Variants in FBN2 observed in about 807,000 individuals in gnomAD.
The protein encoded by FBN2 is fibrillin-2.
A neutral mutation model predicts 355.6 loss-of-function variants in FBN2; 105 were observed. The ratio of observed to expected loss-of-function variants is 0.30; its 90% CI spans 0.25 to 0.35. The LOEUF (loss-of-function observed/expected upper bound fraction) is 0.35, where lower values mean the gene tolerates loss of function less well. Among genes scored for constraint, FBN2 ranks in the 10% least tolerant of loss-of-function variants. FBN2 has a pLI of 1.00. For missense variants in FBN2, 3,280 were observed against 3,758.7 expected, an observed-to-expected ratio of 0.87 and a Z score of 3.33; for synonymous variants, 1,350 against 1,301.2, an observed-to-expected ratio of 1.04 and a Z score of -0.81.
intron 34 of FBN2, among the ~76,000 whole-genome samples, chr5:128,322,246 C>A (rs1352942737): frequency 6.6e-6 from 1 of 152,144 alleles, no homozygotes; most frequent in Non-Finnish European, 1.5e-5. Context: ...CCTGTTCACT[C>A]TGATGATAGT....
intron 31 of FBN2, 87 bp from the exon 32 acceptor site, chr5:128,333,121 T>A: frequency 8.3e-7 from 1 of 1,210,894 alleles, no homozygotes; most frequent in Non-Finnish European, 1.2e-6. Flanking sequence ...GGTAACATTT[T>A]AAAGTAAAGA....
intron 64 of FBN2, among the ~76,000 whole-genome samples, chr5:128,260,876 G>A (rs1367908662): frequency 6.6e-6 from 1 of 152,162 alleles, no homozygotes; most frequent in Non-Finnish European, 1.5e-5. Flanking sequence ...CATATTAACT[G>A]CAGAGAGTGG....
chr5:128,504,516 G>A (rs1403307806), intron 5 of FBN2, among the ~76,000 whole-genome samples: 2 of 152,186 alleles, frequency 1.3e-5, no homozygotes, highest in Admixed American at 1.3e-4. Flanking sequence ...CTGGATGTGA[G>A]ACATGGAGTC....
chr5:128,277,736 C>T (rs912212226), intron 58 of FBN2, 144 bp downstream of exon 58: 2 of 941,250 alleles, frequency 2.1e-6, no homozygotes, highest in African/African-American at 3.3e-5. Flanking sequence ...TTAAGAAGCA[C>T]ATTATTGAGA....
At chr5:128,482,732 ATTAAG>A (rs1223513696) in intron 5 of FBN2, among the ~76,000 whole-genome samples, 2 of 152,164 alleles carry the variant, frequency 1.3e-5, no homozygotes, top group Admixed American at 6.5e-5. Context: ...ACCTGCAAAT[ATTAAG>A]TTAATATGTT....
chr5:128,466,043 T>C (rs982909688), intron 5 of FBN2, among the ~76,000 whole-genome samples: 4 of 152,226 alleles, frequency 2.6e-5, no homozygotes, highest in African/African-American at 9.6e-5. Context: ...TGATTTACTT[T>C]CAGTGAAACT....
Position 128,527,862 on chromosome 5 carries a change from T to C in FBN2, c.532+10A>G. The stretch of plus-strand genomic sequence containing the variant: ...AATCAAATGATTTCTAATAAATCAA[T>C]GTCCCTTACGTTGTCCACAATAAGT... On this transcript the variant is annotated intron_variant, in intron 4 of 64. Transcript: ENST00000262464. 6.5e-7 allele frequency: 1 copy of C among 1,537,488 alleles called. No individual in the cohort carries two copies. The highest frequency in any genetic ancestry group is 9.0e-7 in the Non-Finnish European group (1 of 1,110,834).
At position 128,464,878 on chromosome 5, in the gene FBN2, C is replaced by A. The variant is rs371292311; in HGVS notation, c.672G>T (p.Met224Ile). The change falls in exon 6 of 65, where the codon ATG (methionine) becomes ATT (isoleucine). Residue 224 changes from methionine (M) to isoleucine (I), a missense_variant. This residue lies in a region of FBN2 where 130 missense variants were observed against 189.9 expected (regional missense o/e 0.68). Coordinates refer to ENST00000262464, the MANE Select transcript of FBN2 (RefSeq NM_001999.4). ...CAATGCCTGTCAGCTGCCCTTGGCACATCTGGTTGTTGACCTGAGTGAAAC... is the reference window on the plus strand; with the variant it reads ...CAATGCCTGTCAGCTGCCCTTGGCAAATCTGGTTGTTGACCTGAGTGAAAC... The part of the protein sequence containing the change: ...GPCFTQVNNQ[M>I]CQGQLTGIVC... 9.9e-6 allele frequency: 16 copies of A among 1,614,116 alleles called. No individual in the cohort carries two copies. The highest frequency in any genetic ancestry group is 1.4e-5 in the Non-Finnish European group (16 of 1,180,062).
At chr5:128,438,919 T>C (rs191347) in intron 7 of FBN2, among the ~76,000 whole-genome samples, 50,999 of 152,038 alleles carry the variant, frequency 0.34, 10,080 homozygotes, top group African/African-American at 0.53. Flanking sequence ...CAATATCCAA[T>C]GCCACAGACT....
chr5:128,304,424 A>G (rs1749810639), intron 45 of FBN2, among the ~76,000 whole-genome samples: 1 of 152,202 alleles, frequency 6.6e-6, no homozygotes, highest in East Asian at 1.9e-4. Context: ...GGAATTTTTA[A>G]AGAGTTTGGC....
intron 22 of FBN2, 145 bp from the exon 23 acceptor site, chr5:128,349,617 G>A (rs945867941): frequency 2.4e-5 from 25 of 1,051,810 alleles, no homozygotes; most frequent in South Asian, 2.1e-4. Flanking sequence ...TTCCACAACC[G>A]AGCCACCCGC....
At chr5:128,521,925 A>G (rs1385509022) in intron 4 of FBN2, among the ~76,000 whole-genome samples, 1 of 152,244 alleles carries the variant, frequency 6.6e-6, no homozygotes, top group Non-Finnish European at 1.5e-5. Flanking sequence ...CTCCCTTCTC[A>G]CTAAAGATTT....
intron 25 of FBN2, among the ~76,000 whole-genome samples, chr5:128,343,739 C>CT (rs1751091475): frequency 6.6e-6 from 1 of 152,178 alleles, no homozygotes; most frequent in Non-Finnish European, 1.5e-5. Context: ...ACCTTAAAAT[C>CT]TTTAAGAGAA....
intron 34 of FBN2, among the ~76,000 whole-genome samples, chr5:128,321,268 T>C (rs1241475849): frequency 1.3e-5 from 2 of 152,224 alleles, no homozygotes; most frequent in Non-Finnish European, 1.5e-5. Flanking sequence ...TCTTTTGATA[T>C]TGAATATTTC....
intron 6 of FBN2, among the ~76,000 whole-genome samples, chr5:128,454,256 C>T (rs760775775): frequency 3.3e-5 from 5 of 152,114 alleles, no homozygotes; most frequent in African/African-American, 4.8e-5. Flanking sequence ...ATGTGTTGTT[C>T]TCTATTATTC....
chr5:128,301,242 T>C (rs1480828237), intron 47 of FBN2, 140 bp downstream of exon 47: 1 of 853,762 alleles, frequency 1.2e-6, no homozygotes, highest in Admixed American at 2.2e-5. Context: ...TACTAAAATT[T>C]TCCATCATAG....
chr5:128,446,788 T>C (rs1172237629), intron 6 of FBN2, among the ~76,000 whole-genome samples, 182 bp from the exon 7 acceptor site: 1 of 152,230 alleles, frequency 6.6e-6, no homozygotes, highest in African/African-American at 2.4e-5. Flanking sequence ...AATGGTATCA[T>C]GTTATATATC....
At chr5:128,400,988 T>C (rs902598943) in intron 8 of FBN2, among the ~76,000 whole-genome samples, 1 of 152,178 alleles carries the variant, frequency 6.6e-6, no homozygotes, top group Admixed American at 6.5e-5. Flanking sequence ...CGGTGGTTTC[T>C]GCTTTTGCTT....
At chr5:128,396,249 CACAAG>C (rs1018015713) in intron 8 of FBN2, among the ~76,000 whole-genome samples, 7 of 152,168 alleles carry the variant, frequency 4.6e-5, no homozygotes, top group Admixed American at 2.6e-4. Flanking sequence ...GATTAGAGAA[CACAAG>C]ACAAGGCTCC....
Sources: allele counts gnomAD v4.1 joint callset (sites outside exome capture counted in the v4.1 genomes callset), GRCh38; gene constraint gnomAD v4.1.1; regional missense constraint gnomAD v4.1.1; transcripts MANE v1.5; gene names NCBI Gene and HGNC (gene_info 2026-07-23, HGNC 2026-07-21).